Variants in MRTFA observed in about 807,000 individuals in gnomAD.
The protein encoded by MRTFA is myocardin-related transcription factor A.
Under a neutral mutation model 83.5 loss-of-function variants are expected in MRTFA, and 20 were observed. The observed-to-expected ratio is 0.24, with a 90% CI of 0.17 to 0.35. The LOEUF is 0.35. Ranked by LOEUF, MRTFA falls within the 10% of genes least tolerant of loss-of-function variation. The pLI, the probability that MRTFA is intolerant of heterozygous loss-of-function variation, is 1.00. For missense variants in MRTFA, 1,200 were observed against 1,224.7 expected (o/e 0.98, Z 0.30); for synonymous variants, 659 against 541.2 (o/e 1.22, Z -3.02).
intron 3 of MRTFA, among the ~76,000 whole-genome samples, chr22:40,482,557 G>A (rs1394486695): frequency 6.6e-6 from 1 of 152,176 alleles, no homozygotes; most frequent in Non-Finnish European, 1.5e-5. Context: ...CCTGAACAGG[G>A]TGGAGATAAA....
intron 2 of MRTFA, among the ~76,000 whole-genome samples, chr22:40,560,899 C>T (rs1456133438): frequency 6.6e-6 from 1 of 152,132 alleles, no homozygotes. Context: ...AATGGAAGAA[C>T]GTAGACAGCT....
At chr22:40,430,444 T>G (rs1189440849) in intron 6 of MRTFA, among the ~76,000 whole-genome samples, 1 of 151,804 alleles carries the variant, frequency 6.6e-6, no homozygotes, top group Non-Finnish European at 1.5e-5. Context: ...GCCGAGACTG[T>G]GCCACTGCAC....
chr22:40,503,252 T>C (rs968443362), intron 3 of MRTFA, among the ~76,000 whole-genome samples: 9 of 152,254 alleles, frequency 5.9e-5, no homozygotes, highest in African/African-American at 2.2e-4. Flanking sequence ...CACCATTTAC[T>C]CTTTTTAAGT....
intron 2 of MRTFA, among the ~76,000 whole-genome samples, chr22:40,570,260 G>T (rs1039973327): frequency 2.0e-5 from 3 of 152,116 alleles, no homozygotes; most frequent in Non-Finnish European, 4.4e-5. Flanking sequence ...AGTATTAGGT[G>T]TGATTTCTAG....
In MRTFA at chr22:40,490,688, T is replaced by C. The variant is rs2054259201; in HGVS notation, c.242-27402A>G. On this transcript the variant is annotated intron_variant, in intron 3 of 14. Transcript: ENST00000355630. ...ATCACTCCATCTCGTCTTCGATGTG[T>C]CCATTCATTGCTGACTCCACAGGCT... Among the ~76,000 whole-genome samples the C allele has an allele frequency of 2.0e-5, 3 of 152,240 alleles. No homozygotes were observed. The South Asian group carries it at 6.2e-4, about 32-fold the overall frequency.
intron 4 of MRTFA, 145 bp downstream of exon 4, chr22:40,463,076 A>C (rs1417278194): frequency 2.7e-6 from 2 of 731,246 alleles, no homozygotes; most frequent in African/African-American, 3.5e-5. Context: ...TTGAGCTCTA[A>C]ACTTGGAAAG....
At chr22:40,424,408 C>T in intron 7 of MRTFA, 27 bp from the exon 8 acceptor site, 4 of 1,608,862 alleles carry the variant, frequency 2.5e-6, no homozygotes, top group Non-Finnish European at 3.4e-6. Flanking sequence ...GTGTGAGATT[C>T]CACTTCCAGC....
At chr22:40,559,421 CT>C (rs886110232) in intron 2 of MRTFA, among the ~76,000 whole-genome samples, 32 of 151,680 alleles carry the variant, frequency 2.1e-4, no homozygotes, top group African/African-American at 7.0e-4. Context: ...AGAACACATA[CT>C]TTTTTTTTCT....
At chr22:40,485,620 T>C (rs930467250) in intron 3 of MRTFA, among the ~76,000 whole-genome samples, 5 of 152,186 alleles carry the variant, frequency 3.3e-5, no homozygotes, top group Non-Finnish European at 7.3e-5. Context: ...GATACATGAA[T>C]GCGGCCTAAA....
At chr22:40,584,717 T>G (rs1602461898) in intron 2 of MRTFA, among the ~76,000 whole-genome samples, 4 of 121,896 alleles carry the variant, frequency 3.3e-5, no homozygotes, top group South Asian at 2.5e-4. Context: ...GCAACAAGAG[T>G]GAGACTCTGT....
chr22:40,495,133 G>A, intron 3 of MRTFA, among the ~76,000 whole-genome samples: 1 of 151,960 alleles, frequency 6.6e-6, no homozygotes, highest in Non-Finnish European at 1.5e-5. Flanking sequence ...CAGCACTTTG[G>A]GAGGCTGAGG....
intron 4 of MRTFA, among the ~76,000 whole-genome samples, chr22:40,459,186 C>T (rs1005471808): frequency 2.3e-4 from 28 of 122,278 alleles, no homozygotes; most frequent in Admixed American, 1.4e-3. Context: ...CAAAAGGAGT[C>T]GGGGGACACA....
intron 1 of MRTFA, among the ~76,000 whole-genome samples, chr22:40,627,087 T>C (rs1246091722): frequency 6.6e-6 from 1 of 151,960 alleles, no homozygotes; most frequent in Non-Finnish European, 1.5e-5. Flanking sequence ...ATTTAAAAGA[T>C]ACTGAAACAC....
At chr22:40,567,681 TA>T (rs897759609) in intron 2 of MRTFA, among the ~76,000 whole-genome samples, 6 of 151,964 alleles carry the variant, frequency 3.9e-5, no homozygotes, top group Non-Finnish European at 7.4e-5. Flanking sequence ...ATGAATAATA[TA>T]AAAAAAACTA....
intron 2 of MRTFA, among the ~76,000 whole-genome samples, chr22:40,583,798 C>G (rs186233145): frequency 7.9e-5 from 12 of 152,272 alleles, no homozygotes; most frequent in Admixed American, 5.9e-4. Context: ...ACCTTGCCCC[C>G]CTGCCTCAGT....
intron 3 of MRTFA, among the ~76,000 whole-genome samples, chr22:40,509,586 T>G (rs930072918): frequency 1.3e-5 from 2 of 152,200 alleles, no homozygotes; most frequent in Non-Finnish European, 2.9e-5. Context: ...ACCACACAAC[T>G]GAAAAGCTAA....
chr22:40,530,738 G>A (rs1178768395), intron 3 of MRTFA, among the ~76,000 whole-genome samples: 2 of 152,250 alleles, frequency 1.3e-5, no homozygotes, highest in Non-Finnish European at 2.9e-5. Context: ...ATGACATACT[G>A]CACATTCTGA....
At chr22:40,483,231 T>A (rs548547608) in intron 3 of MRTFA, among the ~76,000 whole-genome samples, 7 of 152,056 alleles carry the variant, frequency 4.6e-5, no homozygotes, top group Admixed American at 1.3e-4. Flanking sequence ...TGGCTAATTT[T>A]AAAAAAATTT....
At chr22:40,443,264 A>C (rs2053313609) in intron 4 of MRTFA, among the ~76,000 whole-genome samples, 1 of 152,054 alleles carries the variant, frequency 6.6e-6, no homozygotes, top group Non-Finnish European at 1.5e-5. Context: ...AAAAACAAAA[A>C]CAAAAACAAA....
Sources: gnomAD v4.1 joint callset for allele counts (sites outside exome capture counted in the v4.1 genomes callset) on GRCh38, gnomAD v4.1.1 for gene constraint, MANE v1.5 for transcripts, NCBI Gene and HGNC (gene_info 2026-07-23, HGNC 2026-07-21) for gene names.